Variants in OGFRL1 observed in about 807,000 individuals in gnomAD.
The protein encoded by OGFRL1 is opioid growth factor receptor like 1.
OGFRL1 carries 26 observed loss-of-function variants against 32.4 expected under a neutral mutation model. That is an observed-to-expected ratio of 0.80 (90% CI 0.59 to 1.11). OGFRL1 has a LOEUF of 1.11. Among genes scored for constraint, OGFRL1 ranks in the 50% most tolerant of loss-of-function variants. OGFRL1 has a pLI of 0.00. For synonymous variants in OGFRL1, 211 were observed against 201.2 expected (o/e 1.05, Z -0.41); for missense variants, 521 against 546.4 (o/e 0.95, Z 0.46).
At position 71,307,882 on chromosome 6, in the gene OGFRL1, T is replaced by G. The variant is rs922032997; in HGVS notation, c.*5833T>G. 6.6e-6 allele frequency: 1 copy of G among 152,088 alleles called. No individual in the cohort carries two copies. The highest frequency in any genetic ancestry group is 1.5e-5 in the Non-Finnish European group (1 of 68,018). 9.4% of individuals were successfully genotyped at this position (152,088 alleles called of 1,614,324 possible). A position where few individuals can be genotyped will look rare whatever the true frequency, so the allele number is the denominator to read the frequency against. ...AGCAACAGGAAACTCACCACAGAAA[T>G]AAAGACATAACCCTTGATAAGTTTG... On this transcript the variant is annotated 3_prime_UTR_variant, in exon 7 of 7. Coordinates refer to ENST00000370435, the MANE Select transcript of OGFRL1 (RefSeq NM_024576.5).
At chr6:71,296,269 T>C in intron 3 of OGFRL1, 48 bp from the exon 4 acceptor site, 1 of 1,308,102 alleles carries the variant, frequency 7.6e-7, no homozygotes, top group South Asian at 1.3e-5. Context: ...TAAAATGCCT[T>C]CACAATGTTT....
rs962142873 is a variant in OGFRL1 at position 71,289,499 on chromosome 6, C to T, written c.234+329C>T. 6.2e-6 allele frequency: 6 copies of T among 970,858 alleles called. No homozygotes were observed. The Admixed American group carries it at 2.2e-4, about 35-fold the overall frequency. The allele number at this position is 970,858 out of a possible 1,614,324, so 60.1% of individuals were successfully genotyped here. On this transcript the variant is annotated intron_variant, in intron 1 of 6. Transcript: ENST00000370435. ...TATGCGAAGGTGGGGTGGGAGGAAC[C>T]TGTCTAAAAATAGAGGATTTTGACA...
Position 71,301,823 on chromosome 6 carries a change from C to G in OGFRL1, c.1130C>G (p.Thr377Arg), listed in dbSNP as rs1561951871. The G allele has an allele frequency of 6.2e-7, 1 of 1,612,874 alleles. No homozygotes were observed. The highest frequency in any genetic ancestry group is 8.5e-7 in the Non-Finnish European group (1 of 1,179,688). Residue 377 changes from threonine (T) to arginine (R), a missense_variant, in exon 7 of 7, where the codon ACA becomes AGA. Coordinates refer to ENST00000370435, the MANE Select transcript of OGFRL1 (RefSeq NM_024576.5). Reference sequence around the variant, plus strand: ...GCACCAAAAGAGCCTGTGGAAGAGACAGACAGGCCCAGCCCAGAGCCCAGC... The same window carrying G: ...GCACCAAAAGAGCCTGTGGAAGAGAGAGACAGGCCCAGCCCAGAGCCCAGC... The part of the protein sequence containing the change: ...KVAPKEPVEE[T>R]DRPSPEPSNE...
Position 71,296,827 on chromosome 6 carries a change from G to A in OGFRL1, c.692+10G>A, listed in dbSNP as rs953412516. 129 of 1,609,150 alleles carry A rather than the reference G, an allele frequency of 8.0e-5. No homozygotes were observed. The highest frequency in any genetic ancestry group is 1.0e-4 in the Non-Finnish European group (123 of 1,178,400). On this transcript the variant is annotated intron_variant, in intron 6 of 6. Transcript: ENST00000370435. ...TTCAGCATCTGAATGAGTAAGTAAA[G>A]CCCCTGTGATAAATCAGGGGCCAGC...
rs1766499414 is a variant in OGFRL1, at chr6:71,304,852, T to C, written c.*2803T>C. On this transcript the variant is annotated 3_prime_UTR_variant, in exon 7 of 7. Coordinates refer to ENST00000370435, the MANE Select transcript of OGFRL1 (RefSeq NM_024576.5). ...AATCCCTAAATAACTTAGATAATCA[T>C]TCAGTGGAGAACAAGTAAAAGGATA... The C allele has an allele frequency of 6.6e-6, 1 of 152,072 alleles. No individual in the cohort carries two copies. Among genetic ancestry groups the C allele is most frequent in the Non-Finnish European group, 1.5e-5 (1 of 67,938 alleles). 9.4% of individuals were successfully genotyped at this position (152,072 alleles called of 1,614,324 possible). A position where few individuals can be genotyped will look rare whatever the true frequency, so the allele number is the denominator to read the frequency against.
In OGFRL1 at chr6:71,301,385, G is replaced by A; in HGVS notation, c.693-1G>A. The A allele has an allele frequency of 5.8e-6, 9 of 1,557,750 alleles. No individual in the cohort carries two copies. Among genetic ancestry groups the A allele is most frequent in the Non-Finnish European group, 7.8e-6 (9 of 1,155,204 alleles). On this transcript the variant is annotated splice_acceptor_variant, in intron 6 of 6. Coordinates refer to ENST00000370435, the MANE Select transcript of OGFRL1 (RefSeq NM_024576.5). LOFTEE classifies it high-confidence loss of function. ...TCATTTTATTCAATCCTCTCTTCCA[G>A]GTCCCAGCACAACTATTTAAGAATC...
rs1489278943 is a variant in OGFRL1 at position 71,307,058 on chromosome 6, G to C, written c.*5009G>C. ...TTCTGTTGTGAAGTTTATTGTTTCA[G>C]TTATTTGAGGGAAATAACCTCTTAA... On this transcript the variant is annotated 3_prime_UTR_variant, in exon 7 of 7. Transcript: ENST00000370435. The C allele has an allele frequency of 6.6e-6, 1 of 152,082 alleles. No homozygotes were observed. The highest frequency in any genetic ancestry group is 1.9e-4 in the East Asian group (1 of 5,184). The allele number at this position is 152,082 out of a possible 1,614,324, so 9.4% of individuals were successfully genotyped here. A position where few individuals can be genotyped will look rare whatever the true frequency, so the allele number is the denominator to read the frequency against.
Position 71,301,516 on chromosome 6 carries a change from A to G in OGFRL1, c.823A>G (p.Ile275Val), listed in dbSNP as rs1482107384. 2 of 1,614,018 alleles carry G rather than the reference A, an allele frequency of 1.2e-6. No individual in the cohort carries two copies. Among genetic ancestry groups the G allele is most frequent in the African/African-American group, 2.7e-5 (2 of 74,920 alleles). The change falls in exon 7 of 7, where the codon ATT becomes GTT. Residue 275 changes from isoleucine (I) to valine (V), a missense_variant. Physicochemically the swap from Ile to Val is conservative, Grantham distance 29. Coordinates refer to ENST00000370435, the MANE Select transcript of OGFRL1 (RefSeq NM_024576.5). Reference sequence around the variant, plus strand: ...TCTTGTGGAGAATACTATTCCCAATATTAAGCAGAGTGCTCTAGAGTATTT... The same window carrying G: ...TCTTGTGGAGAATACTATTCCCAATGTTAAGCAGAGTGCTCTAGAGTATTT... ...EALVENTIPN[I>V]KQSALEYFVY... is the part of the protein sequence containing the mutation.
intron 6 of OGFRL1, among the ~76,000 whole-genome samples, chr6:71,300,576 C>T (rs999651554): frequency 2.0e-5 from 3 of 151,758 alleles, no homozygotes; most frequent in Admixed American, 6.6e-5. Context: ...TCCCTAATCT[C>T]GTATCTTTAA....
At chr6:71,291,565 T>C (rs1038471803) in intron 1 of OGFRL1, 1 of 152,154 alleles carries the variant, frequency 6.6e-6, no homozygotes, top group African/African-American at 2.4e-5. Context: ...AGGAACAATA[T>C]TGAACAACAG....
chr6:71,289,327 G>A (rs937095044), intron 1 of OGFRL1, 157 bp downstream of exon 1: 2 of 983,864 alleles, frequency 2.0e-6, no homozygotes, highest in Non-Finnish European at 2.4e-6. Flanking sequence ...CCTGTCTCCC[G>A]GTGGAGCCCG....
intron 6 of OGFRL1, among the ~76,000 whole-genome samples, chr6:71,299,298 A>G (rs1476596014): frequency 6.6e-6 from 1 of 152,138 alleles, no homozygotes; most frequent in Admixed American, 6.6e-5. Flanking sequence ...TATACATTAT[A>G]AGGATTTTTG....
rs1045737123 is a variant in OGFRL1 at position 71,308,829 on chromosome 6, C to T, written c.*6780C>T. 3.9e-5 allele frequency: 6 copies of T among 152,014 alleles called. No homozygotes were observed. Among genetic ancestry groups the T allele is most frequent in the Non-Finnish European group, 7.4e-5 (5 of 67,980 alleles). The allele number at this position is 152,014 out of a possible 1,614,324, so 9.4% of individuals were successfully genotyped here. A position where few individuals can be genotyped will look rare whatever the true frequency, so the allele number is the denominator to read the frequency against. On this transcript the variant is annotated 3_prime_UTR_variant, in exon 7 of 7. Transcript: ENST00000370435. ...GAGTAATTATTTTTAAGAACTATTG[C>T]CAAATATACATCCTGTAAAACTAAT...
chr6:71,289,563 A>T, intron 1 of OGFRL1: 1 of 974,512 alleles, frequency 1.0e-6, no homozygotes, highest in Non-Finnish European at 1.2e-6. Flanking sequence ...AAAAAAAAAA[A>T]AAAAAAAAAA....
chr6:71,296,582 T>C (rs1174769845), intron 5 of OGFRL1, 21 bp downstream of exon 5: 25 of 1,610,132 alleles, frequency 1.6e-5, no homozygotes, highest in Non-Finnish European at 2.0e-5. Context: ...CTCATTTCAT[T>C]TTATACAGGG....
chr6:71,296,900 C>T, intron 6 of OGFRL1, 83 bp downstream of exon 6: 2 of 1,469,732 alleles, frequency 1.4e-6, no homozygotes, highest in Non-Finnish European at 1.8e-6. Context: ...GCAGGAACAA[C>T]TAGCAGATGA....
At chr6:71,291,488 A>G (rs964702060) in intron 1 of OGFRL1, 1 of 152,232 alleles carries the variant, frequency 6.6e-6, no homozygotes, top group African/African-American at 2.4e-5. Context: ...TTATTTTAAG[A>G]TTAAAGATAC....
Position 71,296,333 on chromosome 6 carries a change from A to C in OGFRL1, c.417A>C (p.Glu139Asp), listed in dbSNP as rs1432164638. The change falls in exon 4 of 7, where the codon GAA becomes GAC. Residue 139 changes from glutamate (E) to aspartate (D), a missense_variant. Physicochemically the swap from Glu to Asp is conservative, Grantham distance 45. Coordinates refer to ENST00000370435, the MANE Select transcript of OGFRL1 (RefSeq NM_024576.5). Reference protein sequence around the residue: ...PFKPDGVYIEEVLSKWKGDYE... With the variant: ...PFKPDGVYIEDVLSKWKGDYE... ...ACTATTTAGGTGTTTACATTGAAGA[A>C]GTTCTAAGTAAATGGAAAGGAGATT... The C allele has an allele frequency of 1.2e-6, 2 of 1,604,550 alleles. No homozygotes were observed. The highest frequency in any genetic ancestry group is 3.3e-5 in the Admixed American group (2 of 59,766).
intron 1 of OGFRL1, 129 bp downstream of exon 1, chr6:71,289,299 C>T (rs1765964358): frequency 1.7e-5 from 17 of 1,010,086 alleles, no homozygotes; most frequent in Non-Finnish European, 2.0e-5. Context: ...CGACCCGACC[C>T]CTCCGCGCCG....
Sources: gnomAD v4.1 joint callset for allele counts (sites outside exome capture counted in the v4.1 genomes callset) on GRCh38, gnomAD v4.1.1 for gene constraint, MANE v1.5 for transcripts, NCBI Gene and HGNC (gene_info 2026-07-23, HGNC 2026-07-21) for gene names.